CACNA1A: variants seen among roughly 807,000 people sequenced by gnomAD.
CACNA1A encodes the protein voltage-dependent P/Q-type calcium channel subunit alpha-1A.
Under a neutral mutation model 262.4 loss-of-function variants are expected in CACNA1A, and 57 were observed. The ratio of observed to expected loss-of-function variants is 0.22; its 90% CI spans 0.18 to 0.27. CACNA1A has a LOEUF of 0.27. Ranked by LOEUF, CACNA1A falls within the 10% of genes least tolerant of loss-of-function variation. The pLI is 1.00. For missense variants in CACNA1A, 2,526 were observed against 3,562.8 expected (o/e 0.71, Z 7.41); for synonymous variants, 1,431 against 1,419.3 (o/e 1.01, Z -0.18).
At chr19:13,500,562 G>A (rs548599911) in intron 1 of CACNA1A, among the ~76,000 whole-genome samples, 2 of 152,272 alleles carry the variant, frequency 1.3e-5, no homozygotes, top group African/African-American at 4.8e-5. Context: ...AGAACTCAGG[G>A]CTTTTAGACG....
chr19:13,285,012 C>T (rs374269385), intron 21 of CACNA1A, 56 bp downstream of exon 21: 46 of 1,602,260 alleles, frequency 2.9e-5, no homozygotes, highest in African/African-American at 2.0e-4. Context: ...GCCTGACTTC[C>T]GCCACCCTGG....
intron 21 of CACNA1A, chr19:13,284,118 T>C (rs1432389177): frequency 1.3e-5 from 2 of 151,470 alleles, no homozygotes; most frequent in Admixed American, 6.6e-5. Flanking sequence ...AGCCAGTGTC[T>C]GGGCTCAAAC....
chr19:13,303,295 C>T (rs970445316), intron 17 of CACNA1A, among the ~76,000 whole-genome samples: 1 of 152,188 alleles, frequency 6.6e-6, no homozygotes, highest in Non-Finnish European at 1.5e-5. Context: ...GTTTGCCATC[C>T]GTTTCCTGCA....
Position 13,318,890 on chromosome 19 carries a change from C to CTTTTTTTT in CACNA1A, c.1346-1577_1346-1570dup, listed in dbSNP as rs751530649. On this transcript the variant is annotated intron_variant, in intron 10 of 46. Coordinates refer to ENST00000360228, the MANE Select transcript of CACNA1A (RefSeq NM_001127222.2). ...ATTGAATTTACCTTCTAAAATACAT[C>CTTTTTTTT]TTTTTTTTTTTTTTTTGAGACAGGA... Among the ~76,000 whole-genome samples the CTTTTTTTT allele has an allele frequency of 1.7e-4, 19 of 114,676 alleles. 1 individual carries two copies. Among genetic ancestry groups the CTTTTTTTT allele is most frequent in the East Asian group, 9.4e-4 (3 of 3,194 alleles). The allele number at this position is 114,676 out of a possible 152,430, so 75.2% of individuals were successfully genotyped here.
chr19:13,208,405 AATC>A lies in CACNA1A; in HGVS notation c.6780+348_6780+350del, dbSNP rs944888763. ...TACTCACAGGCGTCCAGAGGACAGA[AATC>A]ATAATTGAAACAAAAACAGAAGCCG... On this transcript the variant is annotated intron_variant, in intron 46 of 46. Transcript: ENST00000360228. Among the ~76,000 whole-genome samples, 321 of 152,232 alleles carry A rather than the reference AATC, an allele frequency of 2.1e-3. 3 individuals are homozygous for A. The highest frequency in any genetic ancestry group is 3.4e-3 in the Non-Finnish European group (228 of 68,020).
In CACNA1A at chr19:13,285,277, T is replaced by C. The variant is rs551555784; in HGVS notation, c.3554-71A>G. 1.2e-5 allele frequency: 19 copies of C among 1,570,286 alleles called. No homozygotes were observed. The South Asian group carries it at 1.9e-4, about 16-fold the overall frequency. ...CAAGTCTCTGGGAACTCCTGTGTACTCCCAGGGCAGGCAAGAAGCGGCTGA... is the reference window on the plus strand; with the variant it reads ...CAAGTCTCTGGGAACTCCTGTGTACCCCCAGGGCAGGCAAGAAGCGGCTGA... On this transcript the variant is annotated intron_variant, in intron 20 of 46. Coordinates refer to ENST00000360228, the MANE Select transcript of CACNA1A (RefSeq NM_001127222.2).
intron 3 of CACNA1A, among the ~76,000 whole-genome samples, chr19:13,381,821 G>T (rs1344596626): frequency 6.6e-6 from 1 of 152,192 alleles, no homozygotes; most frequent in East Asian, 1.9e-4. Flanking sequence ...AGCGAGCAAG[G>T]GGGAGGGTGT....
Position 13,351,225 on chromosome 19 carries a change from C to G in CACNA1A, c.978+8381G>C, listed in dbSNP as rs535746983. 2.0e-5 allele frequency among the ~76,000 whole-genome samples: 3 copies of G among 152,252 alleles called. No homozygotes were observed. The East Asian group carries it at 5.8e-4, about 29-fold the overall frequency. ...AAGTAGGGGAGATTAGTCTCCACCT[C>G]CTGGGGCAGTGGGGAGTGAAGTTTA... is the stretch of plus-strand genomic sequence containing the variant. On this transcript the variant is annotated intron_variant, in intron 6 of 46. Transcript: ENST00000360228.
At chr19:13,296,499 G>A (rs1163854305) in intron 19 of CACNA1A, among the ~76,000 whole-genome samples, 2 of 152,306 alleles carry the variant, frequency 1.3e-5, no homozygotes, top group East Asian at 3.9e-4. Flanking sequence ...AAAAGAGGAT[G>A]CTGGTTCTGA....
At position 13,413,903 on chromosome 19, in the gene CACNA1A, G is replaced by GA. The variant is rs201393796; in HGVS notation, c.539+38972dup. Among the ~76,000 whole-genome samples the GA allele has an allele frequency of 4.2e-3, 249 of 59,256 alleles. 5 individuals carry two copies. The highest frequency in any genetic ancestry group is 0.014 in the Admixed American group (67 of 4,640). The allele number at this position is 59,256 out of a possible 152,430, so 38.9% of individuals were successfully genotyped here. A position where few individuals can be genotyped will look rare whatever the true frequency, so the allele number is the denominator to read the frequency against. On this transcript the variant is annotated intron_variant, in intron 3 of 46. Transcript: ENST00000360228. Reference sequence around the variant, plus strand: ...CAAGAAAGAAAGAAAGAAAAAGAAAGAAAGAAAGAAAGAAAGAAAGAAAGA... The same window carrying GA: ...CAAGAAAGAAAGAAAGAAAAAGAAAGAAAAGAAAGAAAGAAAGAAAGAAAGA...
At chr19:13,496,087 T>C (rs867072416) in intron 1 of CACNA1A, among the ~76,000 whole-genome samples, 4 of 75,166 alleles carry the variant, frequency 5.3e-5, no homozygotes, top group East Asian at 6.3e-4. Context: ...CATCCATCCA[T>C]CCACCCAGAC....
intron 3 of CACNA1A, among the ~76,000 whole-genome samples, chr19:13,386,181 T>C (rs1272038811): frequency 1.4e-5 from 2 of 147,240 alleles, no homozygotes; most frequent in African/African-American, 5.0e-5. Context: ...AGAAGAAGAA[T>C]GGAAGACACA....
intron 1 of CACNA1A, among the ~76,000 whole-genome samples, chr19:13,473,592 T>TA (rs1376554010): frequency 6.6e-6 from 1 of 152,208 alleles, no homozygotes; most frequent in African/African-American, 2.4e-5. Context: ...CCCAAACACT[T>TA]ACCACAATTA....
At chr19:13,326,215 T>A (rs2058359519) in intron 10 of CACNA1A, among the ~76,000 whole-genome samples, 1 of 151,668 alleles carries the variant, frequency 6.6e-6, no homozygotes, top group Admixed American at 6.6e-5. Context: ...ACTTGGAGGC[T>A]GAGGTGGGAG....
At chr19:13,330,183 C>A (rs546921237) in intron 10 of CACNA1A, 61 bp downstream of exon 10, 41 of 1,264,322 alleles carry the variant, frequency 3.2e-5, no homozygotes, top group Middle Eastern at 4.8e-4. Flanking sequence ...GCCCCCACCC[C>A]ACCATGTCTC....
intron 18 of CACNA1A, among the ~76,000 whole-genome samples, 179 bp from the exon 19 acceptor site, chr19:13,299,532 C>T (rs1481441087): frequency 1.3e-5 from 2 of 152,142 alleles, no homozygotes; most frequent in Non-Finnish European, 2.9e-5. Context: ...TGCTCAAGAA[C>T]CCTCCATGGC....
chr19:13,476,877 GC>G (rs1978609730), intron 1 of CACNA1A, among the ~76,000 whole-genome samples: 1 of 151,980 alleles, frequency 6.6e-6, no homozygotes, highest in South Asian at 2.1e-4. Context: ...TGCCCTGCCT[GC>G]CCCCAACCTT....
intron 3 of CACNA1A, among the ~76,000 whole-genome samples, chr19:13,392,543 T>C (rs1190836503): frequency 6.6e-6 from 1 of 152,178 alleles, no homozygotes; most frequent in Non-Finnish European, 1.5e-5. Flanking sequence ...TCCCAGACAT[T>C]CAGTGGGAAC....
chr19:13,325,330 C>T (rs2058341643), intron 10 of CACNA1A, among the ~76,000 whole-genome samples: 1 of 152,060 alleles, frequency 6.6e-6, no homozygotes, highest in East Asian at 1.9e-4. Flanking sequence ...GAGACCGTGT[C>T]TCTATCAAGT....
Sources: gnomAD v4.1 joint callset for allele counts (sites outside exome capture counted in the v4.1 genomes callset) on GRCh38, gnomAD v4.1.1 for gene constraint, MANE v1.5 for transcripts, NCBI Gene and HGNC (gene_info 2026-07-23, HGNC 2026-07-21) for gene names.